Variants in ADGRG2 observed in about 807,000 individuals in gnomAD.
The protein encoded by ADGRG2 is G protein-coupled receptor 64.
Under a neutral mutation model 74.1 loss-of-function variants are expected in ADGRG2, and 26 were observed. The observed-to-expected ratio is 0.35, with a 90% CI of 0.26 to 0.49. The LOEUF is 0.49. Among genes scored for constraint, ADGRG2 ranks in the 20% least tolerant of loss-of-function variants. ADGRG2 has a pLI of 0.99. For missense variants in ADGRG2, 619 were observed against 763.1 expected (o/e 0.81, Z 2.22); for synonymous variants, 296 against 295.2 (o/e 1.00, Z -0.03).
At chrX:19,075,237 T>C (rs754599932) in intron 2 of ADGRG2, among the ~76,000 whole-genome samples, 6 of 105,663 alleles carry the variant, frequency 5.7e-5, no homozygotes, top group Non-Finnish European at 1.2e-4. Context: ...AGATACATCA[T>C]AGTGAAAATG....
At chrX:19,083,843 C>T (rs1441811020) in intron 1 of ADGRG2, among the ~76,000 whole-genome samples, 1 of 112,219 alleles carries the variant, frequency 8.9e-6, no homozygotes, top group African/African-American at 3.2e-5. Context: ...TAATGACTTT[C>T]AAATGAAGAT....
chrX:19,023,506 G>T, intron 12 of ADGRG2, 53 bp from the exon 13 acceptor site: 1 of 695,265 alleles, frequency 1.4e-6, no homozygotes, highest in Non-Finnish European at 2.2e-6. Flanking sequence ...TGGGCAGTTG[G>T]AAATATCAGA....
chrX:18,999,004 G>A lies in ADGRG2; in HGVS notation c.2606C>T (p.Thr869Ile), dbSNP rs2060073902. ...TFMYLFAIFN[T>I]LQGFFIFIFY... ...GATGCTGTAAAGCTTACCTTGTAAG[G>A]TATTAAAGATGGCAAACAGATACAT... The change falls in exon 26 of 29, where the codon ACC becomes ATC. Residue 869 changes from threonine (T) to isoleucine (I), a missense_variant. Coordinates refer to ENST00000379869, the MANE Select transcript of ADGRG2 (RefSeq NM_001079858.3). 8.4e-7 allele frequency: 1 copy of A among 1,195,638 alleles called. No individual in the cohort carries two copies. Among genetic ancestry groups the A allele is most frequent in the Non-Finnish European group, 1.1e-6 (1 of 882,544 alleles).
At chrX:19,122,549 C>T (rs1262543750), upstream of ADGRG2, 2 of 110,090 alleles carry the variant, frequency 1.8e-5, no homozygotes, top group Non-Finnish European at 3.8e-5. Context: ...GCGCCGCCCC[C>T]GCCGCTCCCG....
chrX:19,002,736 A>G (rs1166650316), intron 24 of ADGRG2, 110 bp downstream of exon 24: 23 of 758,186 alleles, frequency 3.0e-5, no homozygotes, highest in Middle Eastern at 3.0e-4. Flanking sequence ...AAGCTGTTTT[A>G]GAAACTTGCT....
Position 19,056,014 on chromosome X carries a change from G to A in ADGRG2, c.118+12703C>T, listed in dbSNP as rs1355037634. 3.6e-5 allele frequency among the ~76,000 whole-genome samples: 4 copies of A among 110,292 alleles called. No homozygotes were observed. The Admixed American group carries it at 3.9e-4, about 11-fold the overall frequency. On this transcript the variant is annotated intron_variant, in intron 3 of 28. Transcript: ENST00000379869. ...CTTCCAAAGTGCTGAGATTACAGGT[G>A]TGAGCCATTGCACCTGGCCAGGTGG...
At chrX:19,061,175 A>G (rs1166910240) in intron 3 of ADGRG2, among the ~76,000 whole-genome samples, 1 of 111,820 alleles carries the variant, frequency 8.9e-6, no homozygotes, top group African/African-American at 3.3e-5. Flanking sequence ...AGAAGTTTGG[A>G]GTAGTCTACA....
chrX:19,014,773 C>T (rs1007072120), intron 15 of ADGRG2, among the ~76,000 whole-genome samples: 2 of 111,162 alleles, frequency 1.8e-5, no homozygotes, highest in African/African-American at 3.3e-5. Flanking sequence ...GCTGGGACTA[C>T]AGGCACCTGC....
intron 16 of ADGRG2, 112 bp downstream of exon 16, chrX:19,013,574 C>T: frequency 3.1e-6 from 2 of 654,745 alleles, no homozygotes; most frequent in Non-Finnish European, 4.6e-6. Flanking sequence ...ACGTTAGAAT[C>T]CCGAAAGGAA....
chrX:19,105,886 C>A (rs2062278486), intron 1 of ADGRG2, among the ~76,000 whole-genome samples: 1 of 93,438 alleles, frequency 1.1e-5, no homozygotes, highest in African/African-American at 4.4e-5. Context: ...CAAGATCGCA[C>A]CACTGCACTC....
chrX:18,995,690 G>A (rs774617716), intron 27 of ADGRG2, among the ~76,000 whole-genome samples: 70 of 112,247 alleles, frequency 6.2e-4, no homozygotes, highest in Non-Finnish European at 1.2e-3. Context: ...ACCAGGACCT[G>A]TGGAGAAAGG....
At chrX:19,034,883 A>G (rs1397205361) in intron 7 of ADGRG2, 2 of 110,322 alleles carry the variant, frequency 1.8e-5, no homozygotes, top group African/African-American at 6.6e-5. Context: ...GCAGTGAGCC[A>G]AGAAGGCGCC....
intron 1 of ADGRG2, among the ~76,000 whole-genome samples, chrX:19,110,807 G>GA (rs779700758): frequency 8.9e-6 from 1 of 111,883 alleles, no homozygotes; most frequent in East Asian, 2.8e-4. Context: ...TAATGTGCTG[G>GA]AAGAATCAAT....
intron 1 of ADGRG2, among the ~76,000 whole-genome samples, chrX:19,111,107 C>T (rs761636695): frequency 1.8e-5 from 2 of 111,516 alleles, no homozygotes; most frequent in African/African-American, 3.3e-5. Flanking sequence ...GGGCATGAAA[C>T]TAGTAGGTGT....
intron 2 of ADGRG2, among the ~76,000 whole-genome samples, chrX:19,078,951 A>G (rs2061799903): frequency 9.0e-6 from 1 of 111,310 alleles, no homozygotes; most frequent in African/African-American, 3.3e-5. Flanking sequence ...GTACGGAAAA[A>G]GCAACACACC....
At position 19,013,888 on chromosome X, in the gene ADGRG2, A is replaced by C; in HGVS notation, c.897T>G (p.Ile299Met). The change falls in exon 16 of 29, where the codon ATT (isoleucine) becomes ATG (methionine). Residue 299 changes from isoleucine to methionine, a missense_variant. Ile to Met is a conservative substitution (Grantham distance 10). This residue lies in a region of ADGRG2 where 292 missense variants were observed against 318.0 expected (regional missense o/e 0.92). Transcript: ENST00000379869. ...CTGAAGGCTGGGGTGAAAGGGGTTG[A>C]ATCTCCCCTATTGGAGAGGGAACAT... is the stretch of plus-strand genomic sequence containing the variant. Reference protein sequence around the residue: ...THNVPSPIGEIQPLSPQPSAP... With the variant: ...THNVPSPIGEMQPLSPQPSAP... 2 of 1,207,765 alleles carry C rather than the reference A, an allele frequency of 1.7e-6. No homozygotes were observed. Among genetic ancestry groups the C allele is most frequent in the Non-Finnish European group, 2.2e-6 (2 of 892,505 alleles).
chrX:19,090,967 A>G (rs1488043227), intron 1 of ADGRG2, among the ~76,000 whole-genome samples: 1 of 111,406 alleles, frequency 9.0e-6, no homozygotes, highest in Non-Finnish European at 1.9e-5. Context: ...GGGACTGGGG[A>G]AGGCTTCCCT....
chrX:19,077,121 T>A (rs1276095128), intron 2 of ADGRG2, among the ~76,000 whole-genome samples: 1 of 110,613 alleles, frequency 9.0e-6, no homozygotes, highest in African/African-American at 3.3e-5. Flanking sequence ...TTCTAACATA[T>A]TCAGTCAGTC....
chrX:19,069,228 T>A (rs1195852732), intron 2 of ADGRG2, among the ~76,000 whole-genome samples: 1 of 112,149 alleles, frequency 8.9e-6, no homozygotes, highest in Admixed American at 9.4e-5. Flanking sequence ...AGATAGGGTC[T>A]CGCTATGTAG....
Sources: gnomAD v4.1 joint callset for allele counts (sites outside exome capture counted in the v4.1 genomes callset) on GRCh38, gnomAD v4.1.1 for gene constraint, gnomAD v4.1.1 regional missense constraint, MANE v1.5 for transcripts, NCBI Gene and HGNC (gene_info 2026-07-23, HGNC 2026-07-21) for gene names.